MALRD1: variants seen among roughly 807,000 people sequenced by gnomAD.
The protein encoded by MALRD1 is MAM and LDL-receptor class A domain-containing protein 1.
Under a neutral mutation model 242.1 loss-of-function variants are expected in MALRD1, and 247 were observed. The observed-to-expected ratio is 1.02, with a 90% CI of 0.92 to 1.13. The LOEUF (loss-of-function observed/expected upper bound fraction) is 1.13, where lower values mean the gene tolerates loss of function less well. Among genes scored for constraint, MALRD1 ranks in the 50% most tolerant of loss-of-function variants. The pLI, the probability that MALRD1 is intolerant of heterozygous loss-of-function variation, is 0.00. For synonymous variants in MALRD1, 995 were observed against 866.6 expected, an observed-to-expected ratio of 1.15 and a Z score of -2.60; for missense variants, 2,989 against 2,533.1, an observed-to-expected ratio of 1.18 and a Z score of -3.86.
Position 19,607,857 on chromosome 10 carries a change from T to C in MALRD1, c.6025T>C (p.Phe2009Leu). 1 of 1,549,816 alleles carries C rather than the reference T, an allele frequency of 6.5e-7. No individual in the cohort carries two copies. Among genetic ancestry groups the C allele is most frequent in the Middle Eastern group, 1.7e-4 (1 of 5,984 alleles). ...CIPAHQRCDG[F>L]ADCMDFQLDE... is the part of the protein sequence containing the mutation. ...CCCAGCCCACCAGCGCTGTGATGGT[T>C]TTGCCGACTGCATGGATTTCCAGCT... Residue 2009 changes from phenylalanine to leucine, a missense_variant, in exon 35 of 40, where the codon TTT (phenylalanine) becomes CTT (leucine). Transcript: ENST00000454679.
intron 14 of MALRD1, among the ~76,000 whole-genome samples, chr10:19,187,712 C>T (rs1459989699): frequency 3.3e-5 from 5 of 152,038 alleles, no homozygotes; most frequent in South Asian, 2.1e-4. Context: ...TTAACAGAAA[C>T]GGAAACCAAA....
intron 36 of MALRD1, among the ~76,000 whole-genome samples, chr10:19,669,246 G>C (rs770496314): frequency 3.3e-5 from 5 of 152,204 alleles, no homozygotes; most frequent in African/African-American, 9.7e-5. Context: ...GTGTTCATTA[G>C]ATTAAATAAT....
At position 19,202,510 on chromosome 10, in the gene MALRD1, A is replaced by T. The variant is rs1488203911; in HGVS notation, c.1952-1218A>T. Among the ~76,000 whole-genome samples the T allele has an allele frequency of 3.3e-5, 5 of 152,240 alleles. No homozygotes were observed. In the East Asian group the frequency reaches 9.6e-4, roughly 29 times the overall value. On this transcript the variant is annotated intron_variant, in intron 14 of 39. Coordinates refer to ENST00000454679, the MANE Select transcript of MALRD1 (RefSeq NM_001142308.3). ...TTACAATTAGGTTAAATTCCCTATA[A>T]TTTTATTATTACATTAAAATGCCCT...
intron 26 of MALRD1, among the ~76,000 whole-genome samples, chr10:19,363,343 A>G (rs186333494): frequency 3.2e-4 from 48 of 152,082 alleles, no homozygotes; most frequent in African/African-American, 1.1e-3. Context: ...AAGAAAACAG[A>G]CATAGAGAGA....
chr10:19,417,590 A>C (rs1833559269), intron 28 of MALRD1, among the ~76,000 whole-genome samples: 1 of 152,172 alleles, frequency 6.6e-6, no homozygotes, highest in Admixed American at 6.6e-5. Context: ...TCTTAAGTAA[A>C]GTTTTAATTA....
chr10:19,272,891 A>G (rs1413280057), intron 19 of MALRD1, among the ~76,000 whole-genome samples: 1 of 152,152 alleles, frequency 6.6e-6, no homozygotes, highest in Non-Finnish European at 1.5e-5. Flanking sequence ...ATAGTATTCC[A>G]TGGTGTATAT....
At chr10:19,475,020 C>T (rs894986605) in intron 29 of MALRD1, among the ~76,000 whole-genome samples, 11 of 152,190 alleles carry the variant, frequency 7.2e-5, no homozygotes, top group African/African-American at 2.7e-4. Flanking sequence ...CCCTATTTAT[C>T]ACATGAGAAA....
intron 16 of MALRD1, 35 bp downstream of exon 16, chr10:19,204,448 C>G: frequency 7.1e-7 from 1 of 1,398,850 alleles, no homozygotes; most frequent in Non-Finnish European, 9.8e-7. Flanking sequence ...CAATATTAAA[C>G]AGTTCACCCT....
At chr10:19,334,994 T>C (rs1162142745) in intron 24 of MALRD1, among the ~76,000 whole-genome samples, 1 of 152,100 alleles carries the variant, frequency 6.6e-6, no homozygotes. Context: ...TGTGCGTATT[T>C]CTAGGAATTT....
chr10:19,590,594 G>T (rs868166348), intron 33 of MALRD1, among the ~76,000 whole-genome samples: 2 of 151,836 alleles, frequency 1.3e-5, no homozygotes, highest in Admixed American at 6.6e-5. Flanking sequence ...AATTAAATCT[G>T]CTCTGAACTG....
chr10:19,279,267 A>C (rs1840690926), intron 19 of MALRD1, among the ~76,000 whole-genome samples: 1 of 152,232 alleles, frequency 6.6e-6, no homozygotes, highest in African/African-American at 2.4e-5. Context: ...TAACTAACAT[A>C]TAGGAATACA....
intron 18 of MALRD1, among the ~76,000 whole-genome samples, chr10:19,252,677 T>C (rs1839346281): frequency 6.6e-6 from 1 of 152,090 alleles, no homozygotes; most frequent in South Asian, 2.1e-4. Context: ...TCCATTCCTT[T>C]GCCCAGTTTC....
chr10:19,224,439 A>G (rs571146320), intron 18 of MALRD1, among the ~76,000 whole-genome samples: 25 of 152,096 alleles, frequency 1.6e-4, no homozygotes, highest in Non-Finnish European at 2.6e-4. Context: ...GGTATATGCC[A>G]CCACGCCTGG....
intron 17 of MALRD1, 134 bp from the exon 18 acceptor site, chr10:19,209,134 T>C: frequency 1.3e-6 from 1 of 752,928 alleles, no homozygotes; most frequent in Non-Finnish European, 1.9e-6. Flanking sequence ...CAGTGTTGGA[T>C]TTTAAAAATA....
chr10:19,234,541 C>T (rs987309987), intron 18 of MALRD1, among the ~76,000 whole-genome samples: 1 of 151,706 alleles, frequency 6.6e-6, no homozygotes, highest in East Asian at 1.9e-4. Context: ...GAATTAATTG[C>T]CTGAAATAAA....
intron 1 of MALRD1, among the ~76,000 whole-genome samples, chr10:19,049,800 A>G (rs969985281): frequency 1.3e-5 from 2 of 152,252 alleles, no homozygotes; most frequent in African/African-American, 4.8e-5. Flanking sequence ...GCCCCATGGC[A>G]TACTGGGAGA....
chr10:19,102,851 T>TTTA (rs1554789025), intron 4 of MALRD1, among the ~76,000 whole-genome samples: 14 of 151,092 alleles, frequency 9.3e-5, no homozygotes, highest in Non-Finnish European at 1.3e-4. Flanking sequence ...CGTTCAGTCA[T>TTTA]TTCTTCTTTT....
chr10:19,086,530 T>G (rs764572763), intron 2 of MALRD1, among the ~76,000 whole-genome samples: 63 of 152,090 alleles, frequency 4.1e-4, no homozygotes, highest in Admixed American at 9.2e-4. Context: ...GAGAGTCCAC[T>G]GGTTTTATCC....
intron 29 of MALRD1, among the ~76,000 whole-genome samples, chr10:19,472,995 A>G (rs1430159397): frequency 6.6e-6 from 1 of 151,014 alleles, no homozygotes; most frequent in African/African-American, 2.4e-5. Flanking sequence ...TTAATATCCT[A>G]GACAATAATA....
Sources: gnomAD v4.1 joint callset for allele counts (sites outside exome capture counted in the v4.1 genomes callset) on GRCh38, gnomAD v4.1.1 for gene constraint, MANE v1.5 for transcripts, NCBI Gene and HGNC (gene_info 2026-07-23, HGNC 2026-07-21) for gene names.